The following GOLGA4 variants were observed in gnomAD, a reference collection of about 807,000 sequenced individuals.
The protein encoded by GOLGA4 is golgin A4.
Under a neutral mutation model 265.9 loss-of-function variants are expected in GOLGA4, and 169 were observed. That is an observed-to-expected ratio of 0.64 (90% CI 0.56 to 0.72). The LOEUF is 0.72. Among genes scored for constraint, GOLGA4 ranks in the 30% least tolerant of loss-of-function variants. The probability of loss-of-function intolerance (pLI) is 0.00; values close to 1 mark genes in which losing one functional copy is unlikely to be tolerated. For missense variants in GOLGA4, 2,482 were observed against 2,483.4 expected (o/e 1.00, Z 0.01); for synonymous variants, 923 against 855.8 (o/e 1.08, Z -1.37).
intron 2 of GOLGA4, chr3:37,273,583 T>G (rs1350088169): frequency 6.7e-7 from 1 of 1,496,986 alleles, no homozygotes; most frequent in Admixed American, 2.0e-5. Flanking sequence ...TTAATGGAAG[T>G]GAACCAAGCA....
intron 19 of GOLGA4, among the ~76,000 whole-genome samples, chr3:37,339,044 A>G (rs2097024083): frequency 6.6e-6 from 1 of 151,746 alleles, no homozygotes; most frequent in Admixed American, 6.6e-5. Context: ...TTGTATTTTT[A>G]GTAGAGACGG....
intron 10 of GOLGA4, among the ~76,000 whole-genome samples, chr3:37,314,044 C>T (rs2096930400): frequency 6.6e-6 from 1 of 151,020 alleles, no homozygotes; most frequent in Non-Finnish European, 1.5e-5. Flanking sequence ...AAGAAGCTTG[C>T]TGCAGCCTCT....
chr3:37,243,678 C>G, intron 1 of GOLGA4, 56 bp downstream of exon 1: 1 of 1,426,490 alleles, frequency 7.0e-7, no homozygotes, highest in Non-Finnish European at 9.8e-7. Flanking sequence ...AACCGGCCCG[C>G]GGACGAAAGA....
At chr3:37,317,995 A>G (rs992135888) in intron 11 of GOLGA4, among the ~76,000 whole-genome samples, 7 of 151,616 alleles carry the variant, frequency 4.6e-5, no homozygotes, top group Admixed American at 1.3e-4. Flanking sequence ...ATTTAAAAAC[A>G]CATGTTCGGT....
At position 37,299,380 on chromosome 3, in the gene GOLGA4, A is replaced by G. The variant is rs200643912; in HGVS notation, c.1086+9A>G. The G allele has an allele frequency of 1.9e-6, 3 of 1,577,580 alleles. No homozygotes were observed. Among genetic ancestry groups the G allele is most frequent in the East Asian group, 2.2e-5 (1 of 44,656 alleles). The stretch of plus-strand genomic sequence containing the variant: ...AGCTTGAACAAGATAAGGTAAAACA[A>G]CAAAACCTATGATACTAAAATTTGT... On this transcript the variant is annotated intron_variant, in intron 9 of 23. Transcript: ENST00000361924.
At chr3:37,263,152 T>TA (rs1169044017) in intron 2 of GOLGA4, among the ~76,000 whole-genome samples, 1 of 152,250 alleles carries the variant, frequency 6.6e-6, no homozygotes, top group Non-Finnish European at 1.5e-5. Context: ...GATAAATACT[T>TA]ACCATTGTAT....
At chr3:37,271,398 T>C (rs532137559) in intron 2 of GOLGA4, among the ~76,000 whole-genome samples, 6 of 152,230 alleles carry the variant, frequency 3.9e-5, no homozygotes, top group Non-Finnish European at 8.8e-5. Context: ...GGAAATGTCT[T>C]AGACTGATGA....
intron 1 of GOLGA4, 39 bp from the exon 2 acceptor site, chr3:37,251,356 T>A: frequency 1.6e-6 from 2 of 1,261,624 alleles, no homozygotes; most frequent in Non-Finnish European, 2.3e-6. Context: ...CACTAGTCAA[T>A]ATAGTCTTGC....
rs2096961969 is a variant in GOLGA4, at chr3:37,323,816, A to G, written c.1930A>G (p.Lys644Glu). The G allele has an allele frequency of 3.7e-6, 6 of 1,609,612 alleles. No individual in the cohort carries two copies. Among genetic ancestry groups the G allele is most frequent in the East Asian group, 2.2e-5 (1 of 44,844 alleles). The change falls in exon 14 of 24, where the codon AAA (lysine) becomes GAA (glutamate). Residue 644 changes from lysine (K) to glutamate (E), a missense_variant. By Grantham distance (56) the Lys-to-Glu change is moderately conservative. Transcript: ENST00000361924. ...GCAACAATATCAGACTGAAATGGAAAAACTTAGGGAAAAGTGTGAACAAGA... is the reference window on the plus strand; with the variant it reads ...GCAACAATATCAGACTGAAATGGAAGAACTTAGGGAAAAGTGTGAACAAGA... ...LKQQYQTEME[K>E]LREKCEQEKE... is the part of the protein sequence containing the mutation.
rs776587433 is a variant in GOLGA4 at position 37,326,199 on chromosome 3, G to C, written c.4313G>C (p.Trp1438Ser). ...KISALEQVDD[W>S]SNKFSEWKKK... ...TCTGCTCTTGAGCAGGTAGATGACTGGTCCAATAAATTCTCAGAATGGAAG... is the reference window on the plus strand; with the variant it reads ...TCTGCTCTTGAGCAGGTAGATGACTCGTCCAATAAATTCTCAGAATGGAAG... The change falls in exon 14 of 24, where the codon TGG becomes TCG. Residue 1438 changes from tryptophan (W) to serine (S), a missense_variant. Coordinates refer to ENST00000361924, the MANE Select transcript of GOLGA4 (RefSeq NM_002078.5). 3 of 1,613,332 alleles carry C rather than the reference G, an allele frequency of 1.9e-6. No individual in the cohort carries two copies. The highest frequency in any genetic ancestry group is 2.2e-5 in the South Asian group (2 of 91,038).
At chr3:37,271,936 G>C (rs566546155) in intron 2 of GOLGA4, among the ~76,000 whole-genome samples, 1 of 152,244 alleles carries the variant, frequency 6.6e-6, no homozygotes, top group East Asian at 1.9e-4. Flanking sequence ...GAACCCTGTG[G>C]AGAACTGTGC....
intron 10 of GOLGA4, among the ~76,000 whole-genome samples, chr3:37,304,791 C>T (rs1369280193): frequency 6.6e-6 from 1 of 152,102 alleles, no homozygotes; most frequent in African/African-American, 2.4e-5. Context: ...TTTAGTAGAA[C>T]AGCTTTCCTT....
At chr3:37,279,454 C>T (rs2096828631) in intron 2 of GOLGA4, among the ~76,000 whole-genome samples, 1 of 152,230 alleles carries the variant, frequency 6.6e-6, no homozygotes, top group African/African-American at 2.4e-5. Flanking sequence ...CGAGCATGCC[C>T]ACAAAGCGTA....
At chr3:37,284,988 C>G (rs1237695890) in intron 3 of GOLGA4, among the ~76,000 whole-genome samples, 2 of 151,828 alleles carry the variant, frequency 1.3e-5, no homozygotes, top group East Asian at 1.9e-4. Flanking sequence ...TCTTTTGATT[C>G]AGGATATCAC....
chr3:37,286,088 G>C, intron 4 of GOLGA4, 27 bp downstream of exon 4: 1 of 1,126,652 alleles, frequency 8.9e-7, no homozygotes, highest in Non-Finnish European at 1.3e-6. Context: ...CTGCATTACT[G>C]AGTCATAATT....
At chr3:37,286,620 G>A (rs2096850196) in intron 4 of GOLGA4, among the ~76,000 whole-genome samples, 1 of 152,134 alleles carries the variant, frequency 6.6e-6, no homozygotes, top group African/African-American at 2.4e-5. Context: ...TCTCGGTAGT[G>A]TTTAAGAAGT....
chr3:37,320,158 T>C (rs529109664), intron 12 of GOLGA4: 16 of 133,836 alleles, frequency 1.2e-4, no homozygotes, highest in Admixed American at 3.9e-4. Flanking sequence ...AGAAAGCAGA[T>C]TGAGATTTTT....
At chr3:37,348,568 G>C (rs1315299854) in intron 21 of GOLGA4, among the ~76,000 whole-genome samples, 1 of 152,034 alleles carries the variant, frequency 6.6e-6, no homozygotes, top group Non-Finnish European at 1.5e-5. Context: ...ATGTCCCTGT[G>C]GGGGGATATT....
At chr3:37,295,957 G>C in intron 6 of GOLGA4, 130 bp from the exon 7 acceptor site, 1 of 718,958 alleles carries the variant, frequency 1.4e-6, no homozygotes, top group East Asian at 2.5e-5. Context: ...TTATATAATG[G>C]ACTTGAGCTC....
Sources: gnomAD v4.1 joint callset for allele counts (sites outside exome capture counted in the v4.1 genomes callset) on GRCh38, gnomAD v4.1.1 for gene constraint, MANE v1.5 for transcripts, NCBI Gene and HGNC (gene_info 2026-07-23, HGNC 2026-07-21) for gene names.